FBN2: variants seen among roughly 807,000 people sequenced by gnomAD.
FBN2 encodes fibrillin-2.
Under a neutral mutation model 355.6 loss-of-function variants are expected in FBN2, and 105 were observed. That is an observed-to-expected ratio of 0.30 (90% CI 0.25 to 0.35). FBN2 has a LOEUF of 0.35. FBN2 is among the 10% of genes least tolerant of loss of function. The pLI is 1.00. For synonymous variants in FBN2, 1,350 were observed against 1,301.2 expected (o/e 1.04, Z -0.81); for missense variants, 3,280 against 3,758.7 (o/e 0.87, Z 3.33).
chr5:128,481,180 GAA>G (rs35188139), intron 5 of FBN2, among the ~76,000 whole-genome samples: 223 of 149,580 alleles, frequency 1.5e-3, no homozygotes, highest in African/African-American at 5.1e-3. Flanking sequence ...TTTACTCAGG[GAA>G]AAAAAAAAAT....
chr5:128,452,507 C>T (rs1416249493), intron 6 of FBN2, among the ~76,000 whole-genome samples: 1 of 152,034 alleles, frequency 6.6e-6, no homozygotes, highest in African/African-American at 2.4e-5. Context: ...TATTTTATTA[C>T]ATAAATTATT....
intron 28 of FBN2, 115 bp from the exon 29 acceptor site, chr5:128,335,692 T>C: frequency 1.6e-6 from 2 of 1,235,892 alleles, no homozygotes; most frequent in South Asian, 1.2e-5. Context: ...ACTATGTGTG[T>C]TGATTGAACA....
intron 7 of FBN2, among the ~76,000 whole-genome samples, chr5:128,434,906 T>C (rs1205676120): frequency 6.6e-6 from 1 of 152,128 alleles, no homozygotes; most frequent in East Asian, 1.9e-4. Flanking sequence ...TTAACACACA[T>C]CTAATTTTAT....
At chr5:128,537,221 G>C in intron 1 of FBN2, 129 bp downstream of exon 1, 1 of 1,443,180 alleles carries the variant, frequency 6.9e-7, no homozygotes, top group East Asian at 2.5e-5. Context: ...GGATATTCTG[G>C]CAAAGGGGGC....
chr5:128,335,177 T>A lies in FBN2; in HGVS notation c.3966A>T (p.Thr1322=). Residue 1322 remains threonine, a synonymous_variant, in exon 30 of 65, where the codon ACA becomes ACT. Coordinates refer to ENST00000262464, the MANE Select transcript of FBN2 (RefSeq NM_001999.4). ...CTTTCTTATGATACCCACCAATGCA[T>A]GTTTTCATGTCCATGGAAGCCATGA... is the stretch of plus-strand genomic sequence containing the variant. ...DGFMASMDMK[T]CIDVNECDLN... is the part of the protein sequence containing the mutation. 6.2e-7 allele frequency: 1 copy of A among 1,614,180 alleles called. No individual in the cohort carries two copies. The highest frequency in any genetic ancestry group is 2.2e-5 in the East Asian group (1 of 44,880).
rs539313771 is a variant in FBN2 at position 128,414,872 on chromosome 5, T to C, written c.953-6073A>G. Among the ~76,000 whole-genome samples, 21 of 152,276 alleles carry C rather than the reference T, an allele frequency of 1.4e-4. No individual in the cohort carries two copies. In the South Asian group the frequency reaches 4.4e-3, roughly 32 times the overall value. On this transcript the variant is annotated intron_variant, in intron 7 of 64. Transcript: ENST00000262464. ...AACTTGGTTTGCATTTGCCTGATGA[T>C]TAATAATGATGAGCATATTTTCATG...
intron 1 of FBN2, 29 bp from the exon 2 acceptor site, chr5:128,536,513 A>G (rs2112809317): frequency 1.9e-6 from 3 of 1,541,428 alleles, no homozygotes; most frequent in Non-Finnish European, 2.7e-6. Flanking sequence ...GTCACGTAAC[A>G]GATAGGTAGA....
intron 25 of FBN2, among the ~76,000 whole-genome samples, chr5:128,340,544 T>C (rs185247963): frequency 2.6e-4 from 39 of 152,282 alleles, no homozygotes; most frequent in Admixed American, 1.4e-3. Flanking sequence ...ATATGAGGAA[T>C]GTGTTCTAGG....
chr5:128,326,091 C>A (rs1171178181), intron 34 of FBN2, among the ~76,000 whole-genome samples: 1 of 152,196 alleles, frequency 6.6e-6, no homozygotes, highest in African/African-American at 2.4e-5. Context: ...TTCGTTTTCA[C>A]AGAATGCCTG....
intron 8 of FBN2, among the ~76,000 whole-genome samples, chr5:128,408,331 T>C (rs542728745): frequency 6.6e-6 from 1 of 152,304 alleles, no homozygotes; most frequent in East Asian, 1.9e-4. Context: ...TCTAAGTAAA[T>C]AAGATGTTAA....
At chr5:128,367,844 G>C (rs970425828) in intron 16 of FBN2, among the ~76,000 whole-genome samples, 1 of 150,890 alleles carries the variant, frequency 6.6e-6, no homozygotes, top group African/African-American at 2.4e-5. Context: ...GTACATTTTA[G>C]AACTACGTTC....
intron 10 of FBN2, among the ~76,000 whole-genome samples, 196 bp downstream of exon 10, chr5:128,392,939 C>T (rs1449844609): frequency 6.6e-6 from 1 of 152,088 alleles, no homozygotes; most frequent in Non-Finnish European, 1.5e-5. Flanking sequence ...ATTACATTTT[C>T]CCAAATTTAG....
In FBN2 at chr5:128,429,206, G is replaced by T. The variant is rs141830090; in HGVS notation, c.952+17275C>A. 2.4e-3 allele frequency among the ~76,000 whole-genome samples: 368 copies of T among 152,230 alleles called. 1 individual carries two copies. Among genetic ancestry groups the T allele is most frequent in the Non-Finnish European group, 4.4e-3 (299 of 68,004 alleles). ...TTCATGGATGACACTTTTCAAAAAA[G>T]ATCCCCAATACCGTTCTCTTCAATC... On this transcript the variant is annotated intron_variant, in intron 7 of 64. Coordinates refer to ENST00000262464, the MANE Select transcript of FBN2 (RefSeq NM_001999.4).
chr5:128,446,886 G>A (rs554350060), intron 6 of FBN2, among the ~76,000 whole-genome samples: 181 of 152,250 alleles, frequency 1.2e-3, no homozygotes, highest in Non-Finnish European at 2.3e-3. Flanking sequence ...CGGAGGGACC[G>A]GCTGAAGCCA....
chr5:128,371,505 C>CTCCT, intron 15 of FBN2, among the ~76,000 whole-genome samples: 1 of 118,034 alleles, frequency 8.5e-6, no homozygotes. Flanking sequence ...CCCTCCCTCC[C>CTCCT]TCCATCCTTC....
chr5:128,273,322 T>C (rs1213173783), intron 61 of FBN2, among the ~76,000 whole-genome samples: 1 of 152,196 alleles, frequency 6.6e-6, no homozygotes, highest in Non-Finnish European at 1.5e-5. Flanking sequence ...GAAATAGTTA[T>C]TGCAGAGGAG....
chr5:128,284,953 A>T (rs1749103591), intron 55 of FBN2, among the ~76,000 whole-genome samples: 1 of 152,220 alleles, frequency 6.6e-6, no homozygotes, highest in African/African-American at 2.4e-5. Context: ...AACTTTAAAA[A>T]ATTGGGACAG....
At chr5:128,344,700 CTTT>C (rs143617398) in intron 24 of FBN2, among the ~76,000 whole-genome samples, 190 bp from the exon 25 acceptor site, 12 of 139,116 alleles carry the variant, frequency 8.6e-5, no homozygotes, top group Admixed American at 1.5e-4. Context: ...ATCTTATATT[CTTT>C]TTTTTTTTTT....
intron 15 of FBN2, 22 bp from the exon 16 acceptor site, chr5:128,369,356 T>C (rs759716686): frequency 1.2e-6 from 2 of 1,613,468 alleles, no homozygotes; most frequent in South Asian, 2.2e-5. Flanking sequence ...ACAAAAACAA[T>C]GACTTGAGGC....
Sources: allele counts gnomAD v4.1 joint callset (sites outside exome capture counted in the v4.1 genomes callset), GRCh38; gene constraint gnomAD v4.1.1; transcripts MANE v1.5; gene names NCBI Gene and HGNC (gene_info 2026-07-23, HGNC 2026-07-21).